EML6: variants seen among roughly 807,000 people sequenced by gnomAD.
EML6 encodes the protein echinoderm microtubule-associated protein-like 6.
A neutral mutation model predicts 240.1 loss-of-function variants in EML6; 154 were observed. The observed-to-expected ratio is 0.64, with a 90% confidence interval of 0.56 to 0.73. The LOEUF is 0.73. EML6 is among the 30% of genes least tolerant of loss of function. The pLI is 0.00. For synonymous variants in EML6, 1,148 were observed against 899.0 expected, an observed-to-expected ratio of 1.28 and a Z score of -4.95; for missense variants, 2,964 against 2,474.6, an observed-to-expected ratio of 1.20 and a Z score of -4.20.
chr2:54,825,711 C>T (rs371123093), intron 5 of EML6, among the ~76,000 whole-genome samples: 2 of 152,196 alleles, frequency 1.3e-5, no homozygotes, highest in Admixed American at 6.5e-5. Flanking sequence ...AGGCATCCCT[C>T]TATTCCTTAA....
chr2:54,823,868 C>CTCTCTCTCTCTCTCTCTCTCTCTTTT (rs1376831009), intron 5 of EML6, among the ~76,000 whole-genome samples: 1 of 148,128 alleles, frequency 6.8e-6, no homozygotes, highest in African/African-American at 2.6e-5. Context: ...CTCTCTCTCT[C>CTCTCTCTCTCTCTCTCTCTCTCTTTT]TCTCTCTCTT....
At chr2:54,899,515 A>G in intron 21 of EML6, 126 bp from the exon 22 acceptor site, 27 of 939,866 alleles carry the variant, frequency 2.9e-5, no homozygotes, top group Non-Finnish European at 4.0e-5. Context: ...AGGAAGCTCA[A>G]AGTGTGTTTA....
intron 28 of EML6, among the ~76,000 whole-genome samples, chr2:54,929,656 T>TA (rs1436992685): frequency 6.6e-6 from 1 of 151,942 alleles, no homozygotes; most frequent in Non-Finnish European, 1.5e-5. Flanking sequence ...TATCACTTCT[T>TA]ACTATTATGT....
At position 54,868,933 on chromosome 2, in the gene EML6, C is replaced by T. The variant is rs537050395; in HGVS notation, c.2052-248C>T. On this transcript the variant is annotated intron_variant, in intron 14 of 41. Coordinates refer to ENST00000356458, the MANE Select transcript of EML6 (RefSeq NM_001039753.4). ...TCAGATGATCGTTTTTAAGAAAAAG[C>T]GCACACAACAGCTGAGGATCTGCTA... The T allele has an allele frequency of 1.5e-4, 64 of 428,588 alleles. No homozygotes were observed. The South Asian group carries it at 3.0e-3, about 20-fold the overall frequency. 26.5% of individuals were successfully genotyped at this position (428,588 alleles called of 1,614,324 possible).
intron 26 of EML6, among the ~76,000 whole-genome samples, chr2:54,921,996 C>T (rs1674281976): frequency 6.6e-6 from 1 of 152,068 alleles, no homozygotes; most frequent in Non-Finnish European, 1.5e-5. Context: ...TAAAGAGCTC[C>T]TTGACATTGG....
intron 7 of EML6, among the ~76,000 whole-genome samples, chr2:54,840,462 C>G (rs187058622): frequency 9.1e-4 from 139 of 152,318 alleles, no homozygotes; most frequent in African/African-American, 3.1e-3. Flanking sequence ...GCATGGATAT[C>G]TGCTTACATA....
chr2:54,971,854 A>C lies in EML6; in HGVS notation c.*1759A>C, dbSNP rs1348707092. 6.6e-6 allele frequency: 1 copy of C among 152,216 alleles called. No individual in the cohort carries two copies. The highest frequency in any genetic ancestry group is 2.4e-5 in the African/African-American group (1 of 41,448). 9.4% of individuals were successfully genotyped at this position (152,216 alleles called of 1,614,324 possible). On this transcript the variant is annotated 3_prime_UTR_variant, in exon 42 of 42. Coordinates refer to ENST00000356458, the MANE Select transcript of EML6 (RefSeq NM_001039753.4). ...GCAATAGTGTCCGTGTGTCATGAAA[A>C]ACTTATTTGTAAACGTTTATATGGT... is the stretch of plus-strand genomic sequence containing the variant.
chr2:54,816,415 G>C (rs1231435507), intron 3 of EML6, among the ~76,000 whole-genome samples: 2 of 152,060 alleles, frequency 1.3e-5, no homozygotes, highest in Non-Finnish European at 2.9e-5. Flanking sequence ...ATAGAATTCT[G>C]GGTTCTATTA....
intron 16 of EML6, among the ~76,000 whole-genome samples, chr2:54,876,293 T>C (rs1239649770): frequency 6.6e-6 from 1 of 152,090 alleles, no homozygotes; most frequent in Non-Finnish European, 1.5e-5. Context: ...GTGTAGTATA[T>C]ACACAGAAAT....
intron 7 of EML6, among the ~76,000 whole-genome samples, chr2:54,835,040 C>A (rs990580474): frequency 1.3e-5 from 2 of 152,040 alleles, no homozygotes; most frequent in Non-Finnish European, 2.9e-5. Flanking sequence ...CTGCTCCTTC[C>A]CCTCGCTGCT....
chr2:54,863,006 C>T (rs766854087), intron 12 of EML6, among the ~76,000 whole-genome samples: 2 of 152,126 alleles, frequency 1.3e-5, no homozygotes, highest in African/African-American at 4.8e-5. Context: ...CAGTGGTTCA[C>T]GGTTGGGGCC....
rs1676432866 is a variant in EML6 at position 54,960,232 on chromosome 2, A to C, written c.4866A>C (p.Gly1622=). 6.4e-7 allele frequency: 1 copy of C among 1,550,910 alleles called. No homozygotes were observed. The highest frequency in any genetic ancestry group is 8.7e-7 in the Non-Finnish European group (1 of 1,146,496). ...TGGKERPTKE[G]GAVKLWDQEM... ...CAATCTTTTTTAGGACCAAAGAAGG[A>C]GGTGCTGTAAAATTGTGGGACCAGG... The change falls in exon 35 of 42, where the codon GGA becomes GGC. Residue 1622 remains glycine (G), a synonymous_variant. Coordinates refer to ENST00000356458, the MANE Select transcript of EML6 (RefSeq NM_001039753.4).
intron 7 of EML6, among the ~76,000 whole-genome samples, chr2:54,829,889 A>G (rs1329266408): frequency 2.0e-5 from 3 of 152,236 alleles, no homozygotes; most frequent in South Asian, 4.1e-4. Flanking sequence ...GATTAAGAGC[A>G]TGGGCTCAGT....
At chr2:54,844,384 T>C in intron 8 of EML6, 136 bp downstream of exon 8, 4 of 684,400 alleles carry the variant, frequency 5.8e-6, no homozygotes, top group South Asian at 5.7e-5. Context: ...ATTTAGCTCA[T>C]CAAGTGGGTT....
intron 2 of EML6, among the ~76,000 whole-genome samples, chr2:54,780,769 A>G (rs73936462): frequency 0.034 from 5,132 of 152,340 alleles, 283 homozygotes; most frequent in African/African-American, 0.12. Flanking sequence ...TAAAAGGATA[A>G]TGCTGAAGAA....
At chr2:54,930,851 C>T (rs140364062) in intron 28 of EML6, among the ~76,000 whole-genome samples, 2 of 151,866 alleles carry the variant, frequency 1.3e-5, no homozygotes, top group East Asian at 3.9e-4. Flanking sequence ...TAGCAGTCTC[C>T]ATGGGGGCAA....
At chr2:54,961,184 G>GTTGTTTTTTTTTTTGTTT in intron 35 of EML6, among the ~76,000 whole-genome samples, 1 of 55,422 alleles carries the variant, frequency 1.8e-5, no homozygotes, top group African/African-American at 8.1e-5. Context: ...TCAGGAAGTA[G>GTTGTTTTTTTTTTTGTTT]TTTTTTTTTT....
At chr2:54,735,927 C>T (rs756156469) in intron 2 of EML6, among the ~76,000 whole-genome samples, 15 of 152,082 alleles carry the variant, frequency 9.9e-5, no homozygotes, top group Admixed American at 2.6e-4. Flanking sequence ...GAGGGAAGAC[C>T]CCTGGAGAAA....
Position 54,970,156 on chromosome 2 carries a change from A to T in EML6, c.*61A>T. 6.6e-7 allele frequency: 1 copy of T among 1,516,442 alleles called. No homozygotes were observed. The highest frequency in any genetic ancestry group is 9.0e-7 in the Non-Finnish European group (1 of 1,115,044). The allele number at this position is 1,516,442 out of a possible 1,614,324, so 93.9% of individuals were successfully genotyped here. A position where few individuals can be genotyped will look rare whatever the true frequency, so the allele number is the denominator to read the frequency against. On this transcript the variant is annotated 3_prime_UTR_variant, in exon 42 of 42. Transcript: ENST00000356458. Reference sequence around the variant, plus strand: ...CTACCAGCCAGCAACTGCAGAGGCCATGCTGAGGTGCCTCCTTGCCACCAG... The same window carrying T: ...CTACCAGCCAGCAACTGCAGAGGCCTTGCTGAGGTGCCTCCTTGCCACCAG...
Sources: gnomAD v4.1 joint callset for allele counts (sites outside exome capture counted in the v4.1 genomes callset) on GRCh38, gnomAD v4.1.1 for gene constraint, MANE v1.5 for transcripts, NCBI Gene and HGNC (gene_info 2026-07-23, HGNC 2026-07-21) for gene names.